The following PRKCE variants were observed in gnomAD, a reference collection of about 807,000 sequenced individuals.
PRKCE encodes the protein protein kinase C epsilon type.
PRKCE carries 16 observed loss-of-function variants against 85.4 expected under a neutral mutation model. The observed-to-expected ratio is 0.19, with a 90% confidence interval of 0.13 to 0.28. The LOEUF is 0.28. PRKCE is among the 10% of genes least tolerant of loss of function. The pLI is 1.00. For missense variants in PRKCE, 573 were observed against 975.2 expected, an observed-to-expected ratio of 0.59 and a Z score of 5.49; for synonymous variants, 388 against 371.5, an observed-to-expected ratio of 1.04 and a Z score of -0.51.
intron 11 of PRKCE, among the ~76,000 whole-genome samples, chr2:46,095,595 A>T: frequency 6.6e-6 from 1 of 152,262 alleles, no homozygotes; most frequent in East Asian, 1.9e-4. Flanking sequence ...AGCTTTGGGG[A>T]TAGGAAGATG....
chr2:45,834,808 C>T (rs1183434919), intron 1 of PRKCE, among the ~76,000 whole-genome samples: 1 of 152,198 alleles, frequency 6.6e-6, no homozygotes, highest in Non-Finnish European at 1.5e-5. Context: ...TTTATTTAAG[C>T]AGTCTCCTAT....
chr2:45,921,835 T>G (rs1698272183), intron 2 of PRKCE, among the ~76,000 whole-genome samples: 1 of 152,218 alleles, frequency 6.6e-6, no homozygotes, highest in African/African-American at 2.4e-5. Flanking sequence ...CAATACATGT[T>G]TACTGCTTTA....
At chr2:46,033,303 G>A (rs1707655214) in intron 10 of PRKCE, among the ~76,000 whole-genome samples, 1 of 152,186 alleles carries the variant, frequency 6.6e-6, no homozygotes, top group African/African-American at 2.4e-5. Flanking sequence ...CGTGGTGGTG[G>A]GAAGTCCCAC....
chr2:45,652,996 G>A lies in PRKCE; in HGVS notation c.348+548G>A, dbSNP rs894376355. 1.3e-5 allele frequency among the ~76,000 whole-genome samples: 2 copies of A among 152,146 alleles called. No individual in the cohort carries two copies. Among genetic ancestry groups the A allele is most frequent in the Non-Finnish European group, 2.9e-5 (2 of 68,032 alleles). ...TCTGACATACAAGTAGAAAAAATGT[G>A]TTCTCCTCCAGGATGTCTCCTCTAT... On this transcript the variant is annotated intron_variant, in intron 1 of 14. Coordinates refer to ENST00000306156, the MANE Select transcript of PRKCE (RefSeq NM_005400.3). The surrounding 1 kb of genome is among the most constrained non-coding windows in gnomAD (Gnocchi z 7.7).
At chr2:45,655,874 T>TAA (rs1675357416) in intron 1 of PRKCE, among the ~76,000 whole-genome samples, 2 of 104,342 alleles carry the variant, frequency 1.9e-5, no homozygotes. Flanking sequence ...AAAAAAAAGG[T>TAA]AGGGAGAACT....
At chr2:46,097,618 A>G (rs142698778) in intron 11 of PRKCE, among the ~76,000 whole-genome samples, 4 of 148,434 alleles carry the variant, frequency 2.7e-5, no homozygotes, top group Non-Finnish European at 6.0e-5. Context: ...AACCCGGCCC[A>G]AGCCCTGGTC....
chr2:46,060,506 GA>G (rs1214705549), intron 10 of PRKCE, among the ~76,000 whole-genome samples: 1 of 152,224 alleles, frequency 6.6e-6, no homozygotes, highest in East Asian at 1.9e-4. Context: ...CTGTCATCCA[GA>G]AGGAGAGGGG....
At chr2:45,818,189 T>C (rs1689238984) in intron 1 of PRKCE, among the ~76,000 whole-genome samples, 1 of 152,202 alleles carries the variant, frequency 6.6e-6, no homozygotes, top group Non-Finnish European at 1.5e-5. Flanking sequence ...TCTGTTTTTG[T>C]TTTTACTTTT....
chr2:46,001,438 C>T lies in PRKCE; in HGVS notation c.858C>T (p.Thr286=). ...TGAATGTTCACCGTCGATGTGAGAC[C>T]AACGTGGCTCCCAACTGTGGAGTGG... is the stretch of plus-strand genomic sequence containing the variant. ...CKMNVHRRCE[T]NVAPNCGVDA... Residue 286 remains threonine, a synonymous_variant, in exon 7 of 15, where the codon ACC becomes ACT. Coordinates refer to ENST00000306156, the MANE Select transcript of PRKCE (RefSeq NM_005400.3). This position sits in a 1 kb window ranked among gnomAD's most constrained non-coding sequence, Gnocchi z 4.4. 2 of 1,599,310 alleles carry T rather than the reference C, an allele frequency of 1.3e-6. No individual in the cohort carries two copies. The highest frequency in any genetic ancestry group is 1.7e-6 in the Non-Finnish European group (2 of 1,179,704).
intron 1 of PRKCE, among the ~76,000 whole-genome samples, chr2:45,825,387 G>A (rs541987111): frequency 2.0e-5 from 3 of 152,346 alleles, no homozygotes; most frequent in Non-Finnish European, 4.4e-5. Flanking sequence ...TTAGCGGTGA[G>A]GGGTGGGACA....
chr2:46,085,585 C>CAAA (rs1669527367), intron 10 of PRKCE, among the ~76,000 whole-genome samples: 1 of 115,538 alleles, frequency 8.7e-6, no homozygotes, highest in African/African-American at 3.4e-5. Context: ...ATCTCTGCCT[C>CAAA]TGTGGCCACT....
intron 1 of PRKCE, among the ~76,000 whole-genome samples, chr2:45,758,137 C>CCT (rs1412407747): frequency 1.3e-5 from 2 of 152,298 alleles, no homozygotes; most frequent in African/African-American, 4.8e-5. Context: ...AGACAGATTG[C>CCT]CTCTCTATGC....
At chr2:45,941,085 A>AAAAAAAAAAAAAAAAAAAAAAAAAAAG (rs1699846812) in intron 2 of PRKCE, among the ~76,000 whole-genome samples, 1 of 150,808 alleles carries the variant, frequency 6.6e-6, no homozygotes, top group Non-Finnish European at 1.5e-5. Flanking sequence ...AAAAAAAAAA[A>AAAAAAAAAAAAAAAAAAAAAAAAAAAG]AAGATGATAG....
chr2:46,137,482 G>A (rs1265870473), intron 11 of PRKCE, among the ~76,000 whole-genome samples: 1 of 152,012 alleles, frequency 6.6e-6, no homozygotes, highest in Non-Finnish European at 1.5e-5. Flanking sequence ...TGGGCACGGT[G>A]GCTCATGCCT....
At chr2:46,151,284 C>CAT in intron 13 of PRKCE, 55 bp downstream of exon 13, 1 of 313,862 alleles carries the variant, frequency 3.2e-6, no homozygotes, top group Non-Finnish European at 5.5e-6. Context: ...TCCCCCTACA[C>CAT]ACACACACAC....
intron 5 of PRKCE, among the ~76,000 whole-genome samples, chr2:45,982,373 C>T (rs554104265): frequency 6.6e-6 from 1 of 152,288 alleles, no homozygotes; most frequent in East Asian, 1.9e-4. Context: ...CTTTCAATGC[C>T]CTCCTTCCTA....
At chr2:45,727,502 A>G (rs1681180251) in intron 1 of PRKCE, among the ~76,000 whole-genome samples, 1 of 152,150 alleles carries the variant, frequency 6.6e-6, no homozygotes, top group Admixed American at 6.5e-5. Flanking sequence ...CATTCCAGGT[A>G]GCTTAGAGGA....
chr2:46,109,146 T>A (rs370088665), intron 11 of PRKCE, among the ~76,000 whole-genome samples: 123 of 152,294 alleles, frequency 8.1e-4, no homozygotes, highest in African/African-American at 2.9e-3. Context: ...CCCAACTTTC[T>A]TCTTCTTCAG....
intron 1 of PRKCE, among the ~76,000 whole-genome samples, chr2:45,661,530 G>GTTTT (rs11406618): frequency 9.5e-6 from 1 of 104,812 alleles, no homozygotes; most frequent in African/African-American, 3.5e-5. Flanking sequence ...TTTGTTTTTT[G>GTTTT]TTTTTTTTTT....
Sources: gnomAD v4.1 joint callset for allele counts (sites outside exome capture counted in the v4.1 genomes callset) on GRCh38, gnomAD v4.1.1 for gene constraint, Gnocchi (gnomAD v3.1) non-coding constraint, MANE v1.5 for transcripts, NCBI Gene and HGNC (gene_info 2026-07-23, HGNC 2026-07-21) for gene names.